The following S100A13 variants were observed in gnomAD, a reference collection of about 807,000 sequenced individuals.
The protein encoded by S100A13 is protein S100-A13.
A neutral mutation model predicts 8.2 loss-of-function variants in S100A13; 6 were observed. The ratio of observed to expected loss-of-function variants is 0.73; its 90% CI spans 0.40 to 1.44. S100A13 has a LOEUF of 1.44. Among genes scored for constraint, S100A13 ranks in the 40% most tolerant of loss-of-function variants. The pLI is 0.02. For missense variants in S100A13, 114 were observed against 113.6 expected (o/e 1.00, Z -0.02); for synonymous variants, 39 against 45.9 (o/e 0.85, Z 0.61).
At chr1:153,630,376 T>C, upstream of S100A13, 1 of 1,113,244 alleles carries the variant, frequency 9.0e-7, no homozygotes, top group East Asian at 2.6e-5. Context: ...CAGGGAAAGA[T>C]CAATTGCAGT....
At chr1:153,623,249 G>A (rs1194137077) in intron 2 of S100A13, among the ~76,000 whole-genome samples, 3 of 152,196 alleles carry the variant, frequency 2.0e-5, no homozygotes, top group Non-Finnish European at 4.4e-5. Context: ...GAGTGCAGTG[G>A]GTGAGAGGGG....
intron 2 of S100A13, among the ~76,000 whole-genome samples, chr1:153,619,981 A>G (rs114383231): frequency 0.01 from 1,570 of 152,334 alleles, 30 homozygotes; most frequent in African/African-American, 0.035. Flanking sequence ...AGAGAAATAA[A>G]TAAGTATTAA....
At chr1:153,633,517 GGGA>G (rs1668152972), upstream of S100A13, among the ~76,000 whole-genome samples, 2 of 152,186 alleles carry the variant, frequency 1.3e-5, no homozygotes, top group African/African-American at 4.8e-5. Context: ...AGTTGGGGAG[GGGA>G]GGAAGTGAGG....
intron 2 of S100A13, among the ~76,000 whole-genome samples, chr1:153,621,062 C>G (rs1557921615): frequency 1.3e-5 from 2 of 151,676 alleles, no homozygotes; most frequent in Non-Finnish European, 2.9e-5. Context: ...ATGGAATAAA[C>G]ATATATTTTT....
chr1:153,630,495 A>T (rs1212546598), upstream of S100A13: 5 of 1,612,614 alleles, frequency 3.1e-6, no homozygotes, highest in Middle Eastern at 1.7e-4. Context: ...CACTTCCATG[A>T]TGGGGGTGGG....
chr1:153,633,957 C>A (rs763550259), upstream of S100A13: 1 of 152,300 alleles, frequency 6.6e-6, no homozygotes, highest in Admixed American at 6.5e-5. Flanking sequence ...CCGCCTCTGA[C>A]CTCTGCGCAG....
intron 2 of S100A13, among the ~76,000 whole-genome samples, chr1:153,624,831 T>G (rs1160423418): frequency 6.6e-6 from 1 of 152,050 alleles, no homozygotes; most frequent in Non-Finnish European, 1.5e-5. Flanking sequence ...TTCCAGCACT[T>G]TGAGAGGCCG....
upstream of S100A13, chr1:153,631,469 C>T: frequency 6.3e-7 from 1 of 1,588,108 alleles, no homozygotes; most frequent in African/African-American, 1.3e-5. Flanking sequence ...ATTATAGGCA[C>T]TGAACATACG....
At chr1:153,624,034 G>A (rs1667446940) in intron 2 of S100A13, among the ~76,000 whole-genome samples, 1 of 152,180 alleles carries the variant, frequency 6.6e-6, no homozygotes, top group Non-Finnish European at 1.5e-5. Context: ...GGATGTTGAT[G>A]GAAGATGCAA....
upstream of S100A13, chr1:153,627,979 A>AC (rs1307793667): frequency 6.7e-7 from 1 of 1,502,166 alleles, no homozygotes; most frequent in Non-Finnish European, 9.0e-7. Context: ...CCAGGTTGAG[A>AC]CCCCCAGAGA....
At chr1:153,629,827 G>C (rs1249755356), upstream of S100A13, 6 of 152,462 alleles carry the variant, frequency 3.9e-5, no homozygotes, top group East Asian at 1.2e-3. Context: ...TAATTTTGCA[G>C]AGGCAATGGG....
At chr1:153,619,113 GC>G in intron 2 of S100A13, 75 bp from the exon 3 acceptor site, 1 of 1,353,518 alleles carries the variant, frequency 7.4e-7, no homozygotes, top group Non-Finnish European at 1.0e-6. Context: ...AGAACTGTCA[GC>G]TGCTATTCTC....
chr1:153,631,621 C>G, upstream of S100A13: 2 of 1,613,682 alleles, frequency 1.2e-6, no homozygotes, highest in Non-Finnish European at 1.7e-6. Context: ...CCTCCTGCTC[C>G]TCAACCACCC....
At chr1:153,631,804 C>T, upstream of S100A13, 1 of 1,614,160 alleles carries the variant, frequency 6.2e-7, no homozygotes, top group Non-Finnish European at 8.5e-7. Flanking sequence ...GCTGCTCTCA[C>T]AGTGGCCTGT....
At chr1:153,628,366 G>C, upstream of S100A13, 1 of 1,544,038 alleles carries the variant, frequency 6.5e-7, no homozygotes, top group Admixed American at 2.0e-5. Flanking sequence ...TCTGTGAAGG[G>C]GTGGAGTCGG....
chr1:153,629,389 C>T (rs1218267907), upstream of S100A13: 1 of 152,272 alleles, frequency 6.6e-6, no homozygotes, highest in African/African-American at 2.4e-5. Flanking sequence ...CATTGAAGAA[C>T]TGGGATGTCA....
rs145027570 is a variant in S100A13, at chr1:153,627,027, C to T, written c.-62+456G>A. The T allele has an allele frequency of 9.7e-3, 1,500 of 154,374 alleles. 28 individuals carry two copies. The highest frequency in any genetic ancestry group is 0.035 in the South Asian group (172 of 4,976). The allele number at this position is 154,374 out of a possible 1,614,324, so 9.6% of individuals were successfully genotyped here. ...CCGGCCACTCGCATCCGCCCACACA[C>T]ACTCTAACCGCTCCTCCCAGCAGAG... is the stretch of plus-strand genomic sequence containing the variant. On this transcript the variant is annotated intron_variant, in intron 1 of 2. Transcript: ENST00000476133.
chr1:153,633,862 C>T (rs1557934664), upstream of S100A13: 1 of 152,318 alleles, frequency 6.6e-6, no homozygotes, highest in African/African-American at 2.4e-5. Flanking sequence ...ACGTGAAGTC[C>T]CCGGCACGCC....
At chr1:153,625,115 G>A (rs967890614) in intron 2 of S100A13, among the ~76,000 whole-genome samples, 1 of 152,170 alleles carries the variant, frequency 6.6e-6, no homozygotes, top group African/African-American at 2.4e-5. Context: ...GCATGCGCCT[G>A]TGGTCCCAGC....
Sources: allele counts gnomAD v4.1 joint callset (sites outside exome capture counted in the v4.1 genomes callset), GRCh38; gene constraint gnomAD v4.1.1; transcripts MANE v1.5; gene names NCBI Gene and HGNC (gene_info 2026-07-23, HGNC 2026-07-21).